The following KCNH4 variants were observed in gnomAD, a reference collection of about 807,000 sequenced individuals.
KCNH4 encodes potassium voltage-gated channel subfamily H member 4.
KCNH4 carries 33 observed loss-of-function variants against 90.7 expected under a neutral mutation model. That is an observed-to-expected ratio of 0.36 (90% CI 0.28 to 0.49). KCNH4 has a LOEUF of 0.49. Ranked by LOEUF, KCNH4 falls within the 20% of genes least tolerant of loss-of-function variation. The probability of loss-of-function intolerance (pLI) is 0.98; values close to 1 mark genes in which losing one functional copy is unlikely to be tolerated. For missense variants in KCNH4, 1,044 were observed against 1,387.1 expected (o/e 0.75, Z 3.93); for synonymous variants, 551 against 581.7 (o/e 0.95, Z 0.76).
chr17:42,170,612 T>C (rs569766598), intron 7 of KCNH4, among the ~76,000 whole-genome samples: 1 of 152,334 alleles, frequency 6.6e-6, no homozygotes, highest in African/African-American at 2.4e-5. Context: ...GTGGAACCTA[T>C]AGCCTGGAGG....
intron 11 of KCNH4, among the ~76,000 whole-genome samples, chr17:42,164,416 G>A (rs760171395): frequency 1.3e-5 from 2 of 152,234 alleles, no homozygotes; most frequent in Non-Finnish European, 2.9e-5. Flanking sequence ...GTGGACTCAG[G>A]AGACATTTGG....
intron 7 of KCNH4, 137 bp downstream of exon 7, chr17:42,171,651 C>A: frequency 1.2e-6 from 1 of 868,960 alleles, no homozygotes; most frequent in Non-Finnish European, 1.9e-6. Flanking sequence ...CATGCTTGAT[C>A]CAGAAAGAGC....
At chr17:42,168,455 C>A (rs1231209046) in intron 9 of KCNH4, among the ~76,000 whole-genome samples, 1 of 152,164 alleles carries the variant, frequency 6.6e-6, no homozygotes, top group African/African-American at 2.4e-5. Flanking sequence ...ACAAGCCTGA[C>A]CAACATGGTG....
In KCNH4 at chr17:42,159,811, G is replaced by T. The variant is rs962739363; in HGVS notation, c.*229C>A. On this transcript the variant is annotated 3_prime_UTR_variant, in exon 16 of 17. Transcript: ENST00000264661. ...CTGCGGTTCATCTCATGCCTGCTGG[G>T]TTCCACAGCCCTCAGGTGGCTCCCC... 10 of 406,886 alleles carry T rather than the reference G, an allele frequency of 2.5e-5. No homozygotes were observed. Among genetic ancestry groups the T allele is most frequent in the Non-Finnish European group, 3.9e-5 (9 of 230,448 alleles). The allele number at this position is 406,886 out of a possible 1,614,324, so 25.2% of individuals were successfully genotyped here. A position where few individuals can be genotyped will look rare whatever the true frequency, so the allele number is the denominator to read the frequency against.
At position 42,163,051 on chromosome 17, in the gene KCNH4, C is replaced by G. The variant is rs1360289006; in HGVS notation, c.2584+177G>C. Among the ~76,000 whole-genome samples, 2 of 152,248 alleles carry G rather than the reference C, an allele frequency of 1.3e-5. No individual in the cohort carries two copies. Among genetic ancestry groups the G allele is most frequent in the African/African-American group, 2.4e-5 (1 of 41,466 alleles). ...GTATTTAGCATCTGGAATTGTTTATCTGTGTACAGAGGTGTCTCCCTGCTA... is the reference window on the plus strand; with the variant it reads ...GTATTTAGCATCTGGAATTGTTTATGTGTGTACAGAGGTGTCTCCCTGCTA... On this transcript the variant is annotated intron_variant, in intron 14 of 16. Coordinates refer to ENST00000264661, the MANE Select transcript of KCNH4 (RefSeq NM_012285.3). The surrounding 1 kb of genome is among the most constrained non-coding windows in gnomAD (Gnocchi z 5.4).
At chr17:42,176,693 T>C (rs2079864643) in intron 4 of KCNH4, among the ~76,000 whole-genome samples, 1 of 151,512 alleles carries the variant, frequency 6.6e-6, no homozygotes. Flanking sequence ...TGACTAATTT[T>C]TGTATTTTTA....
Position 42,170,108 on chromosome 17 carries a change from G to A in KCNH4, c.1389C>T (p.Gly463=), listed in dbSNP as rs141904652. 1.0e-5 allele frequency: 16 copies of A among 1,600,890 alleles called. 1 individual carries two copies. The highest frequency in any genetic ancestry group is 6.7e-5 in the East Asian group (3 of 44,668). ...GAGGCGTGGCAGGTCTGGCCTCACC[G>A]CCTATGAGCATCGTGCAGATGGAGA... The part of the protein sequence containing the change: ...KIFSICTMLI[G]ALMHAVVFGN... Residue 463 remains glycine (G), a splice_region_variant and synonymous_variant, in exon 8 of 17, where the codon GGC becomes GGT. Transcript: ENST00000264661.
chr17:42,165,529 A>G lies in KCNH4; in HGVS notation c.2005T>C (p.Tyr669His). Residue 669 changes from tyrosine (Y) to histidine (H), a missense_variant, in exon 11 of 17, where the codon TAT (tyrosine) becomes CAT (histidine). By Grantham distance (83) the Tyr-to-His change is moderately conservative. Around this residue, in one of 4 missense-constraint regions of KCNH4, gnomAD observed 441 missense variants for 512.3 expected, o/e 0.86. Coordinates refer to ENST00000264661, the MANE Select transcript of KCNH4 (RefSeq NM_012285.3). ...CGGAAGGCAGCCCCATACTCAGGATAGAGCCTCAGGACCTCAGCCAGCCCT... is the reference window on the plus strand; with the variant it reads ...CGGAAGGCAGCCCCATACTCAGGATGGAGCCTCAGGACCTCAGCCAGCCCT... ...SRGLAEVLRL[Y>H]PEYGAAFRAG... is the part of the protein sequence containing the mutation. The G allele has an allele frequency of 6.2e-7, 1 of 1,614,192 alleles. No individual in the cohort carries two copies. The highest frequency in any genetic ancestry group is 8.5e-7 in the Non-Finnish European group (1 of 1,180,024).
Position 42,163,185 on chromosome 17 carries a change from G to A in KCNH4, c.2584+43C>T. The A allele has an allele frequency of 7.7e-7, 1 of 1,303,678 alleles. No individual in the cohort carries two copies. The highest frequency in any genetic ancestry group is 1.4e-5 in the African/African-American group (1 of 69,192). The allele number at this position is 1,303,678 out of a possible 1,614,324, so 80.8% of individuals were successfully genotyped here. On this transcript the variant is annotated intron_variant, in intron 14 of 16. Transcript: ENST00000264661. The surrounding 1 kb of genome is among the most constrained non-coding windows in gnomAD (Gnocchi z 5.4). ...ATATGGGATGGATGGACAGGTGGAT[G>A]GGCAGATGGATGACGGGGTTGAAGT...
rs2079734391 is a variant in KCNH4, at chr17:42,160,051, T to G, written c.3043A>C (p.Thr1015Pro). 1.3e-6 allele frequency: 2 copies of G among 1,530,408 alleles called. No individual in the cohort carries two copies. The highest frequency in any genetic ancestry group is 1.8e-6 in the Non-Finnish European group (2 of 1,136,844). 94.8% of individuals were successfully genotyped at this position (1,530,408 alleles called of 1,614,324 possible). ...LRHSFQSRSD[T>P]FH The stretch of plus-strand genomic sequence containing the variant: ...GCCCTGGGCCAGGGTCAGTGGAACG[T>G]GTCTGACCTGGACTGGAAACTGTGC... Residue 1015 changes from threonine to proline, a missense_variant, in exon 16 of 17, where the codon ACG becomes CCG. By Grantham distance (38) the Thr-to-Pro change is conservative (BLOSUM62 -1). Around this residue, in one of 4 missense-constraint regions of KCNH4, gnomAD observed 441 missense variants for 512.3 expected, o/e 0.86. Coordinates refer to ENST00000264661, the MANE Select transcript of KCNH4 (RefSeq NM_012285.3).
At chr17:42,175,802 G>A (rs1256580764) in intron 5 of KCNH4, 66 bp from the exon 6 acceptor site, 3 of 1,577,722 alleles carry the variant, frequency 1.9e-6, no homozygotes, top group African/African-American at 2.7e-5. Flanking sequence ...ACAAAGCTGG[G>A]AACAAGCTTT....
In KCNH4 at chr17:42,159,879, C is replaced by T. The variant is rs768722103; in HGVS notation, c.*161G>A. On this transcript the variant is annotated 3_prime_UTR_variant, in exon 16 of 17. Transcript: ENST00000264661. ...GGGGAAGGCTTGGAAAAGGGAATAGCGTCAGAGGTAACCACGCTTCATTAA... is the reference window on the plus strand; with the variant it reads ...GGGGAAGGCTTGGAAAAGGGAATAGTGTCAGAGGTAACCACGCTTCATTAA... The T allele has an allele frequency of 9.9e-6, 5 of 502,884 alleles. No individual in the cohort carries two copies. The highest frequency in any genetic ancestry group is 6.4e-5 in the East Asian group (2 of 31,016). The allele number at this position is 502,884 out of a possible 1,614,324, so 31.2% of individuals were successfully genotyped here. A position where few individuals can be genotyped will look rare whatever the true frequency, so the allele number is the denominator to read the frequency against.
intron 15 of KCNH4, among the ~76,000 whole-genome samples, chr17:42,161,487 C>T (rs1024262993): frequency 6.6e-6 from 1 of 152,194 alleles, no homozygotes; most frequent in Non-Finnish European, 1.5e-5. Flanking sequence ...GAGGCAGAGG[C>T]TGAGCCTCAG....
At position 42,166,554 on chromosome 17, in the gene KCNH4, A is replaced by G; in HGVS notation, c.1591-8T>C. 6.2e-7 allele frequency: 1 copy of G among 1,602,234 alleles called. No homozygotes were observed. The highest frequency in any genetic ancestry group is 8.5e-7 in the Non-Finnish European group (1 of 1,170,304). On this transcript the variant is annotated splice_polypyrimidine_tract_variant and splice_region_variant and intron_variant, in intron 9 of 16. Transcript: ENST00000264661. ...TGGGAAGTCACGCAGTAACTGCATA[A>G]GGGGCATAGGTCATTCTGGCCATCC... is the stretch of plus-strand genomic sequence containing the variant.
At chr17:42,177,105 A>G (rs534552282) in intron 4 of KCNH4, among the ~76,000 whole-genome samples, 2 of 151,828 alleles carry the variant, frequency 1.3e-5, no homozygotes, top group South Asian at 4.2e-4. Flanking sequence ...GCTGGAGTGC[A>G]ATGGTGCAAT....
rs1176324456 is a variant in KCNH4, at chr17:42,171,801, C to A, written c.1182G>T (p.Leu394=). The A allele has an allele frequency of 1.9e-6, 3 of 1,613,972 alleles. No homozygotes were observed. In the Admixed American group the frequency reaches 5.0e-5, roughly 27 times the overall value. ...GRREMEANDP[L]LWDIGWLHEL... Reference sequence around the variant, plus strand: ...TCGGTGGCTCACCAATGTCCCAGAGCAGCGGGTCATTGGCCTCCATCTCCC... The same window carrying A: ...TCGGTGGCTCACCAATGTCCCAGAGAAGCGGGTCATTGGCCTCCATCTCCC... Residue 394 remains leucine (L), a synonymous_variant, in exon 7 of 17, where the codon CTG becomes CTT. Transcript: ENST00000264661.
rs1406803980 is a variant in KCNH4, at chr17:42,170,236, A to G, written c.1261T>C (p.Ser421Pro). 6.2e-7 allele frequency: 1 copy of G among 1,610,004 alleles called. No homozygotes were observed. The highest frequency in any genetic ancestry group is 1.7e-4 in the Middle Eastern group (1 of 6,054). The part of the protein sequence containing the change: ...PYVNGSVGGP[S>P]RRSAYIAALY... ...GCCGCGATGTAGGCGCTGCGCCGTGATGGGCCGCCCACCGAGCCATTGACA... is the reference window on the plus strand; with the variant it reads ...GCCGCGATGTAGGCGCTGCGCCGTGGTGGGCCGCCCACCGAGCCATTGACA... Residue 421 changes from serine to proline, a missense_variant, in exon 8 of 17, where the codon TCA (serine) becomes CCA (proline). By Grantham distance (74) the Ser-to-Pro change is moderately conservative. Coordinates refer to ENST00000264661, the MANE Select transcript of KCNH4 (RefSeq NM_012285.3).
At position 42,160,300 on chromosome 17, in the gene KCNH4, G is replaced by A; in HGVS notation, c.2794C>T (p.Leu932=). The A allele has an allele frequency of 6.2e-7, 1 of 1,614,140 alleles. No individual in the cohort carries two copies. The highest frequency in any genetic ancestry group is 8.5e-7 in the Non-Finnish European group (1 of 1,180,006). Residue 932 remains leucine (L), a synonymous_variant, in exon 16 of 17, where the codon CTG becomes TTG. Coordinates refer to ENST00000264661, the MANE Select transcript of KCNH4 (RefSeq NM_012285.3). The part of the protein sequence containing the change: ...AWTPDPPCPQ[L]RPPCLSPCAS... ...CAAGGAGAGAGGCATGGTGGCCTCA[G>A]CTGTGGACAAGGAGGGTCTGGGGTC...
chr17:42,171,358 C>T (rs911218273), intron 7 of KCNH4, among the ~76,000 whole-genome samples: 19 of 152,074 alleles, frequency 1.2e-4, no homozygotes, highest in Middle Eastern at 3.4e-3. Context: ...GGACCATGCC[C>T]GGGATCTGAC....
Sources: allele counts gnomAD v4.1 joint callset (sites outside exome capture counted in the v4.1 genomes callset), GRCh38; gene constraint gnomAD v4.1.1; regional missense constraint gnomAD v4.1.1; non-coding constraint Gnocchi (gnomAD v3.1); transcripts MANE v1.5; gene names NCBI Gene and HGNC (gene_info 2026-07-23, HGNC 2026-07-21).